RYR3: variants seen among roughly 807,000 people sequenced by gnomAD.
RYR3 encodes the protein ryanodine receptor 3, also known as brain ryanodine receptor-calcium release channel.
Under a neutral mutation model 584.3 loss-of-function variants are expected in RYR3, and 207 were observed. The observed-to-expected ratio is 0.35, with a 90% CI of 0.32 to 0.40. RYR3 has a LOEUF of 0.40. RYR3 is among the 10% of genes least tolerant of loss of function. RYR3 has a pLI of 1.00. For missense variants in RYR3, 5,616 were observed against 6,089.2 expected, an observed-to-expected ratio of 0.92 and a Z score of 2.59; for synonymous variants, 2,416 against 2,248.5, an observed-to-expected ratio of 1.07 and a Z score of -2.11.
At chr15:33,858,046 T>TTAAAG in intron 99 of RYR3, 132 bp downstream of exon 99, 1 of 1,194,386 alleles carries the variant, frequency 8.4e-7, no homozygotes, top group South Asian at 1.5e-5. Context: ...ACAGCAGAGA[T>TTAAAG]TAAAGTAGAA....
At chr15:33,734,287 C>A (rs771819050) in intron 48 of RYR3, among the ~76,000 whole-genome samples, 1 of 152,144 alleles carries the variant, frequency 6.6e-6, no homozygotes, top group Non-Finnish European at 1.5e-5. Context: ...TCAAGAGAGA[C>A]AAATTTCAGT....
intron 38 of RYR3, 114 bp from the exon 39 acceptor site, chr15:33,696,104 A>T: frequency 9.7e-7 from 1 of 1,026,924 alleles, no homozygotes; most frequent in East Asian, 2.5e-5. Context: ...CTATAATAAG[A>T]ATTTTGTAAC....
intron 1 of RYR3, among the ~76,000 whole-genome samples, chr15:33,363,790 G>A (rs986172187): frequency 3.3e-5 from 5 of 152,164 alleles, no homozygotes; most frequent in African/African-American, 9.7e-5. Flanking sequence ...CAGTGTGATA[G>A]CCACCAGCTG....
At chr15:33,832,525 G>A (rs1339348864) in intron 86 of RYR3, among the ~76,000 whole-genome samples, 1 of 151,448 alleles carries the variant, frequency 6.6e-6, no homozygotes, top group African/African-American at 2.4e-5. Flanking sequence ...GCGTGTTGGT[G>A]GGTGCCTGTA....
At chr15:33,629,574 T>C (rs1455083729) in intron 21 of RYR3, among the ~76,000 whole-genome samples, 1 of 152,268 alleles carries the variant, frequency 6.6e-6, no homozygotes, top group East Asian at 1.9e-4. Context: ...TGCACAACAC[T>C]GGTCCAGATT....
At chr15:33,518,917 T>C (rs1295873965) in intron 3 of RYR3, among the ~76,000 whole-genome samples, 1 of 152,226 alleles carries the variant, frequency 6.6e-6, no homozygotes, top group African/African-American at 2.4e-5. Context: ...GAATGAATGC[T>C]GAGGCGTACC....
intron 43 of RYR3, among the ~76,000 whole-genome samples, chr15:33,711,755 G>A (rs1275375080): frequency 2.0e-5 from 3 of 152,132 alleles, no homozygotes; most frequent in Non-Finnish European, 4.4e-5. Flanking sequence ...GGACTTCACT[G>A]TCAGCATTTT....
At chr15:33,811,751 A>G (rs1424018792) in intron 72 of RYR3, among the ~76,000 whole-genome samples, 1 of 152,156 alleles carries the variant, frequency 6.6e-6, no homozygotes, top group East Asian at 1.9e-4. Flanking sequence ...TGCAGTGGAC[A>G]CCTGGGGGAA....
intron 48 of RYR3, among the ~76,000 whole-genome samples, chr15:33,732,873 C>A (rs1406846070): frequency 6.6e-6 from 1 of 152,134 alleles, no homozygotes; most frequent in Admixed American, 6.5e-5. Context: ...CAGCCTTCCC[C>A]CTTTAGGGGC....
intron 27 of RYR3, among the ~76,000 whole-genome samples, chr15:33,639,539 T>C (rs551199803): frequency 5.9e-4 from 90 of 152,288 alleles, no homozygotes; most frequent in African/African-American, 2.1e-3. Context: ...AAACATTTCA[T>C]GCATTGTAGC....
chr15:33,615,936 T>C (rs531023156), intron 19 of RYR3, among the ~76,000 whole-genome samples: 1 of 152,224 alleles, frequency 6.6e-6, no homozygotes, highest in African/African-American at 2.4e-5. Context: ...AGTACAAATA[T>C]AAATACAACA....
intron 2 of RYR3, among the ~76,000 whole-genome samples, chr15:33,491,239 G>A (rs572837671): frequency 2.0e-5 from 3 of 152,252 alleles, no homozygotes; most frequent in Admixed American, 6.5e-5. Flanking sequence ...CTATGATCTC[G>A]ACTTCATTAG....
intron 15 of RYR3, among the ~76,000 whole-genome samples, 187 bp from the exon 16 acceptor site, chr15:33,585,811 C>T (rs1367079124): frequency 6.6e-6 from 1 of 152,104 alleles, no homozygotes; most frequent in Non-Finnish European, 1.5e-5. Flanking sequence ...ACTGGTTGGC[C>T]CCCAGGGGGC....
chr15:33,437,774 C>T (rs1036922222), intron 1 of RYR3, among the ~76,000 whole-genome samples: 16 of 152,122 alleles, frequency 1.1e-4, no homozygotes, highest in African/African-American at 3.6e-4. Context: ...TCTCAGTCTC[C>T]AAGGCTGGGG....
At chr15:33,825,865 T>C (rs746192736) in intron 82 of RYR3, 189 bp downstream of exon 82, 2 of 535,676 alleles carry the variant, frequency 3.7e-6, no homozygotes, top group Admixed American at 6.8e-5. Context: ...CCCGAGTAGA[T>C]GGGATTACAG....
At chr15:33,601,324 A>G in intron 16 of RYR3, 95 bp from the exon 17 acceptor site, 5 of 1,307,652 alleles carry the variant, frequency 3.8e-6, no homozygotes, top group Non-Finnish European at 5.3e-6. Context: ...CCTAGCCCCC[A>G]CCCTTTATGG....
rs188578520 is a variant in RYR3 at position 33,762,692 on chromosome 15, C to T, written c.8705+5096C>T. ...ATATCCTGAAAATAGCCATACTGCC[C>T]AAAGTAATTTGTAGATTCAATTTTA... On this transcript the variant is annotated intron_variant, in intron 60 of 103. Coordinates refer to ENST00000634891, the MANE Select transcript of RYR3 (RefSeq NM_001036.6). Among the ~76,000 whole-genome samples, 81 of 152,202 alleles carry T rather than the reference C, an allele frequency of 5.3e-4. 2 individuals are homozygous for T. The East Asian group carries it at 0.014, about 26-fold the overall frequency.
chr15:33,610,708 A>G (rs2060138507), intron 18 of RYR3, among the ~76,000 whole-genome samples: 1 of 152,166 alleles, frequency 6.6e-6, no homozygotes, highest in African/African-American at 2.4e-5. Context: ...CAGGTTTTAG[A>G]TTTTTTGGGT....
Position 33,540,815 on chromosome 15 carries a change from A to G in RYR3, c.571A>G (p.Ile191Val), listed in dbSNP as rs2141149139. 6.2e-7 allele frequency: 1 copy of G among 1,611,420 alleles called. No individual in the cohort carries two copies. Among genetic ancestry groups the G allele is most frequent in the South Asian group, 1.1e-5 (1 of 91,000 alleles). Residue 191 changes from isoleucine (I) to valine (V), a missense_variant, in exon 7 of 104, where the codon ATA becomes GTA. Physicochemically the swap from Ile to Val is conservative, Grantham distance 29 (BLOSUM62 3). This residue lies in a region of RYR3 where 1,284 missense variants were observed against 1,344.6 expected (regional missense o/e 0.95). Coordinates refer to ENST00000634891, the MANE Select transcript of RYR3 (RefSeq NM_001036.6). ...GCATCTCTCAGTATCAAATGGTAACATACAAGTGGATGCCTCCTTTATGCA... is the reference window on the plus strand; with the variant it reads ...GCATCTCTCAGTATCAAATGGTAACGTACAAGTGGATGCCTCCTTTATGCA... ...YLHLSVSNGN[I>V]QVDASFMQTL...
Sources: allele counts gnomAD v4.1 joint callset (sites outside exome capture counted in the v4.1 genomes callset), GRCh38; gene constraint gnomAD v4.1.1; regional missense constraint gnomAD v4.1.1; transcripts MANE v1.5; gene names NCBI Gene and HGNC (gene_info 2026-07-23, HGNC 2026-07-21).